The following CPVL variants were observed in gnomAD, a reference collection of about 807,000 sequenced individuals.
The protein encoded by CPVL is carboxypeptidase vitellogenic like.
Under a neutral mutation model 63.7 loss-of-function variants are expected in CPVL, and 51 were observed. The observed-to-expected ratio is 0.80, with a 90% CI of 0.64 to 1.01. CPVL has a LOEUF of 1.01. Ranked by LOEUF, CPVL falls within the 50% of genes least tolerant of loss-of-function variation. CPVL has a pLI of 0.00. For missense variants in CPVL, 530 were observed against 573.1 expected (o/e 0.92, Z 0.77); for synonymous variants, 195 against 206.0 (o/e 0.95, Z 0.46).
chr7:28,997,776 C>T (rs566800043), intron 12 of CPVL, among the ~76,000 whole-genome samples: 1 of 152,304 alleles, frequency 6.6e-6, no homozygotes, highest in Admixed American at 6.5e-5. Context: ...TTATTCACCT[C>T]TCAATAGCCC....
At chr7:29,020,248 G>A (rs1786823958) in intron 12 of CPVL, among the ~76,000 whole-genome samples, 1 of 152,192 alleles carries the variant, frequency 6.6e-6, no homozygotes, top group South Asian at 2.1e-4. Flanking sequence ...ATCTTGAGGA[G>A]ATCGTGTGTG....
Position 28,995,582 on chromosome 7 carries a change from C to T in CPVL, c.*190G>A. 1.8e-6 allele frequency: 1 copy of T among 565,756 alleles called. No individual in the cohort carries two copies. The highest frequency in any genetic ancestry group is 3.1e-6 in the Non-Finnish European group (1 of 327,448). 35.0% of individuals were successfully genotyped at this position (565,756 alleles called of 1,614,324 possible). A position where few individuals can be genotyped will look rare whatever the true frequency, so the allele number is the denominator to read the frequency against. ...AAATAATGTAATTCTTACTCATGTACTCATGTTAATTTTGTAGTAAACATC... is the reference window on the plus strand; with the variant it reads ...AAATAATGTAATTCTTACTCATGTATTCATGTTAATTTTGTAGTAAACATC... On this transcript the variant is annotated 3_prime_UTR_variant, in exon 13 of 13. Transcript: ENST00000265394.
At chr7:29,093,287 GAA>G (rs954395171) in intron 5 of CPVL, among the ~76,000 whole-genome samples, 2 of 140,050 alleles carry the variant, frequency 1.4e-5, no homozygotes, top group Non-Finnish European at 3.0e-5. Flanking sequence ...TGAGGCATAA[GAA>G]TCACCTGAGC....
chr7:29,083,752 A>G (rs1784956813), intron 7 of CPVL, among the ~76,000 whole-genome samples: 3 of 152,144 alleles, frequency 2.0e-5, no homozygotes, highest in Admixed American at 2.0e-4. Context: ...GCTGCTTTAA[A>G]TAGGGTTTCT....
chr7:29,057,606 A>G (rs1267598722), intron 11 of CPVL, among the ~76,000 whole-genome samples: 1 of 152,178 alleles, frequency 6.6e-6, no homozygotes, highest in Non-Finnish European at 1.5e-5. Context: ...TCCTAAGTTA[A>G]TGCCTACAAG....
intron 1 of CPVL, among the ~76,000 whole-genome samples, chr7:29,188,605 T>C (rs1406391050): frequency 1.3e-5 from 2 of 151,788 alleles, no homozygotes; most frequent in Non-Finnish European, 2.9e-5. Flanking sequence ...GAAATGAAAA[T>C]ATTGATTCAG....
upstream of CPVL, chr7:29,147,323 C>T: frequency 4.9e-6 from 1 of 204,050 alleles, no homozygotes; most frequent in Middle Eastern, 2.0e-3. Context: ...TCTGCACTGT[C>T]CCGGGCCAAC....
intron 2 of CPVL, among the ~76,000 whole-genome samples, chr7:29,116,033 TG>T (rs1788746693): frequency 6.6e-6 from 1 of 152,206 alleles, no homozygotes; most frequent in Non-Finnish European, 1.5e-5. Context: ...TATTTAACTT[TG>T]CATACCTTGG....
intron 12 of CPVL, among the ~76,000 whole-genome samples, chr7:29,023,504 C>A (rs1787210158): frequency 6.6e-6 from 1 of 152,144 alleles, no homozygotes. Flanking sequence ...AGCTACAACT[C>A]AGGATGAGAT....
chr7:29,064,607 G>C (rs1231591782), intron 10 of CPVL, among the ~76,000 whole-genome samples: 2 of 152,136 alleles, frequency 1.3e-5, no homozygotes, highest in East Asian at 3.9e-4. Flanking sequence ...GTGGCTCTTT[G>C]GAAAGAAGGT....
At chr7:29,166,510 G>C (rs909225325) in intron 5 of CPVL, among the ~76,000 whole-genome samples, 3 of 152,048 alleles carry the variant, frequency 2.0e-5, no homozygotes, top group African/African-American at 7.2e-5. Context: ...AACTATAATA[G>C]CTTTATAGTT....
At chr7:29,152,292 G>C (rs1727549996) in intron 5 of CPVL, among the ~76,000 whole-genome samples, 1 of 152,204 alleles carries the variant, frequency 6.6e-6, no homozygotes, top group African/African-American at 2.4e-5. Flanking sequence ...TTCTTGCTGG[G>C]TTAACTGCTA....
chr7:29,150,820 C>T (rs1420225881), upstream of CPVL, among the ~76,000 whole-genome samples: 1 of 152,174 alleles, frequency 6.6e-6, no homozygotes, highest in Admixed American at 6.5e-5. Context: ...AAACACAGCT[C>T]AGAGGCACAG....
At position 29,030,592 on chromosome 7, in the gene CPVL, C is replaced by G; in HGVS notation, c.1305G>C (p.Ala435=). ...ATCTTCCTACCTGATGGAAGTCACC[C>G]GCTTGCCGGATGTAACCAGCCACTT... The part of the protein sequence containing the change: ...DSEVAGYIRQ[A]GDFHQVIIRG... The change falls in exon 12 of 13, where the codon GCG becomes GCC. Residue 435 remains alanine (A), a synonymous_variant. Transcript: ENST00000265394. 1 of 1,612,088 alleles carries G rather than the reference C, an allele frequency of 6.2e-7. No homozygotes were observed. The highest frequency in any genetic ancestry group is 8.5e-7 in the Non-Finnish European group (1 of 1,179,030).
At chr7:29,176,221 A>G (rs1562809320) in intron 5 of CPVL, among the ~76,000 whole-genome samples, 1 of 151,958 alleles carries the variant, frequency 6.6e-6, no homozygotes, top group Non-Finnish European at 1.5e-5. Context: ...AAAAAAGACC[A>G]TGACTATTTA....
intron 1 of CPVL, among the ~76,000 whole-genome samples, chr7:29,132,269 G>A (rs560550628): frequency 6.6e-6 from 1 of 152,272 alleles, no homozygotes; most frequent in East Asian, 1.9e-4. Context: ...GGCCAGGTGA[G>A]CGATGGTCGG....
chr7:29,138,000 A>G (rs542824675), intron 1 of CPVL, among the ~76,000 whole-genome samples: 2 of 152,356 alleles, frequency 1.3e-5, no homozygotes, highest in African/African-American at 4.8e-5. Context: ...ATGAACATCA[A>G]TGTAAGGATG....
intron 7 of CPVL, among the ~76,000 whole-genome samples, chr7:29,080,868 C>T (rs1784644052): frequency 1.3e-5 from 2 of 152,214 alleles, no homozygotes; most frequent in South Asian, 2.1e-4. Flanking sequence ...AGTTTTGTCT[C>T]TATTGGGTTC....
chr7:29,005,685 TGTC>T (rs1286244516), intron 12 of CPVL, among the ~76,000 whole-genome samples: 1 of 152,200 alleles, frequency 6.6e-6, no homozygotes, highest in Non-Finnish European at 1.5e-5. Flanking sequence ...AGACCTTACT[TGTC>T]GTAGCAGAAT....
Sources: allele counts gnomAD v4.1 joint callset (sites outside exome capture counted in the v4.1 genomes callset), GRCh38; gene constraint gnomAD v4.1.1; transcripts MANE v1.5; gene names NCBI Gene and HGNC (gene_info 2026-07-23, HGNC 2026-07-21).